Variants in MERTK observed in about 807,000 individuals in gnomAD.
MERTK encodes the protein MER proto-oncogene, tyrosine kinase, also known as tyrosine-protein kinase Mer.
Under a neutral mutation model 99.3 loss-of-function variants are expected in MERTK, and 69 were observed. The observed-to-expected ratio is 0.70, with a 90% CI of 0.57 to 0.85. The LOEUF (loss-of-function observed/expected upper bound fraction) is 0.85, where lower values mean the gene tolerates loss of function less well. Ranked by LOEUF, MERTK falls within the 40% of genes least tolerant of loss-of-function variation. The pLI, the probability that MERTK is intolerant of heterozygous loss-of-function variation, is 0.00. For missense variants in MERTK, 1,125 were observed against 1,249.4 expected (o/e 0.90, Z 1.50); for synonymous variants, 426 against 467.6 (o/e 0.91, Z 1.15).
rs1683974540 is a variant in MERTK at position 111,898,787 on chromosome 2, T to C, written c.52T>C (p.Trp18Arg). ...LLLGLFLPAL[W>R]RRAITEAREE... ...GCTGGGCCTCTTCCTCCCCGCGCTC[T>C]GGCGTAGAGGTGAGTGCGCCCGGCT... The change falls in exon 1 of 19, where the codon TGG becomes CGG. Residue 18 changes from tryptophan (W) to arginine (R), a missense_variant. Transcript: ENST00000295408. 6.3e-7 allele frequency: 1 copy of C among 1,596,768 alleles called. No individual in the cohort carries two copies. The highest frequency in any genetic ancestry group is 1.7e-5 in the Admixed American group (1 of 57,960).
At chr2:111,992,015 C>T (rs1339136598) in intron 8 of MERTK, among the ~76,000 whole-genome samples, 1 of 152,088 alleles carries the variant, frequency 6.6e-6, no homozygotes, top group Non-Finnish European at 1.5e-5. Context: ...TCATGTACTC[C>T]TCTGTCTCCC....
At chr2:111,916,871 G>T (rs1318830540) in intron 1 of MERTK, among the ~76,000 whole-genome samples, 1 of 152,124 alleles carries the variant, frequency 6.6e-6, no homozygotes, top group East Asian at 1.9e-4. Context: ...GTTGCTGCCA[G>T]GTAGGGGTAG....
rs761847323 is a variant in MERTK at position 111,975,381 on chromosome 2, C to T, written c.1053C>T (p.Ala351=). Residue 351 remains alanine (A), a synonymous_variant, in exon 7 of 19, where the codon GCC becomes GCT. Transcript: ENST00000295408. ...PHLYQIKQLQ[A]LANYSIGVSC... ...TGTACCAAATCAAGCAGCTGCAAGC[C>T]CTGGCTAATTACAGCATTGGTGTTT... 1 of 1,614,088 alleles carries T rather than the reference C, an allele frequency of 6.2e-7. No homozygotes were observed. The highest frequency in any genetic ancestry group is 1.1e-5 in the South Asian group (1 of 91,080).
intron 6 of MERTK, among the ~76,000 whole-genome samples, chr2:111,972,474 A>G (rs1383393584): frequency 1.3e-5 from 2 of 152,272 alleles, no homozygotes; most frequent in Admixed American, 6.5e-5. Context: ...GTCACCCCTG[A>G]TGATGGAAGA....
intron 15 of MERTK, among the ~76,000 whole-genome samples, chr2:112,018,609 C>A (rs1044873069): frequency 6.6e-6 from 1 of 151,980 alleles, no homozygotes; most frequent in African/African-American, 2.4e-5. Context: ...ATGGATGGAC[C>A]CATTCATGAC....
chr2:111,968,320 C>T (rs2104725578), intron 6 of MERTK, 68 bp downstream of exon 6: 4 of 1,324,238 alleles, frequency 3.0e-6, no homozygotes, highest in African/African-American at 1.4e-5. Flanking sequence ...ATTTTTCTTC[C>T]TTCCAAGGAT....
At chr2:111,901,029 C>T (rs1424306382) in intron 1 of MERTK, among the ~76,000 whole-genome samples, 1 of 152,200 alleles carries the variant, frequency 6.6e-6, no homozygotes, top group Non-Finnish European at 1.5e-5. Flanking sequence ...GAAATCCCCT[C>T]TGCCCCCCAA....
intron 18 of MERTK, among the ~76,000 whole-genome samples, chr2:112,027,393 T>C (rs1201984227): frequency 1.3e-5 from 2 of 151,714 alleles, no homozygotes; most frequent in East Asian, 3.9e-4. Flanking sequence ...GTCTATCAAT[T>C]ATAAGAAAAA....
intron 1 of MERTK, among the ~76,000 whole-genome samples, chr2:111,917,187 G>A (rs550525406): frequency 5.5e-4 from 83 of 152,260 alleles, no homozygotes; most frequent in African/African-American, 1.9e-3. Flanking sequence ...ATTAATGCTG[G>A]GTGGGGATGG....
At chr2:111,958,153 G>T (rs1685183568) in intron 4 of MERTK, among the ~76,000 whole-genome samples, 1 of 152,158 alleles carries the variant, frequency 6.6e-6, no homozygotes, top group Admixed American at 6.5e-5. Context: ...TCAGGAGATT[G>T]TGGGGGTTCC....
chr2:111,976,532 GTGT>G (rs1360722910), intron 7 of MERTK, among the ~76,000 whole-genome samples: 11 of 82,334 alleles, frequency 1.3e-4, no homozygotes, highest in South Asian at 8.6e-4. Flanking sequence ...CTGTGTGTGT[GTGT>G]GTGTGTGTGT....
intron 15 of MERTK, chr2:112,015,727 T>A (rs1677204076): frequency 6.5e-6 from 1 of 153,460 alleles, no homozygotes; most frequent in East Asian, 1.9e-4. Flanking sequence ...TGCTCTCATG[T>A]CTAAGAACTC....
In MERTK at chr2:112,029,392, TTGAA is replaced by T; in HGVS notation, c.*529_*532del. ...AGGATATGTTGAACTTACTTGAGAC[TTGAA>T]AGACAGTGGTCGGCAGCGGCCTTGT... On this transcript the variant is annotated 3_prime_UTR_variant, in exon 19 of 19. Coordinates refer to ENST00000295408, the MANE Select transcript of MERTK (RefSeq NM_006343.3). The T allele has an allele frequency of 6.5e-6, 6 of 925,334 alleles. No individual in the cohort carries two copies. Among genetic ancestry groups the T allele is most frequent in the Admixed American group, 1.2e-4 (2 of 16,354 alleles). 57.3% of individuals were successfully genotyped at this position (925,334 alleles called of 1,614,324 possible). A position where few individuals can be genotyped will look rare whatever the true frequency, so the allele number is the denominator to read the frequency against.
At chr2:111,898,937 C>T (rs1041836527) in intron 1 of MERTK, 141 bp downstream of exon 1, 17 of 912,612 alleles carry the variant, frequency 1.9e-5, no homozygotes, top group African/African-American at 5.1e-5. Flanking sequence ...ACTGCGGTGC[C>T]AGAGGAGGGG....
intron 2 of MERTK, chr2:111,940,531 A>C (rs1405762597): frequency 1.6e-6 from 1 of 608,764 alleles, no homozygotes; most frequent in Non-Finnish European, 3.2e-6. Context: ...TGCTTTAGCA[A>C]CTGCATCCTG....
At chr2:111,914,001 G>T (rs1278310103) in intron 1 of MERTK, among the ~76,000 whole-genome samples, 1 of 151,572 alleles carries the variant, frequency 6.6e-6, no homozygotes, top group African/African-American at 2.4e-5. Context: ...AATAAGAATG[G>T]GGAAAGCAGA....
chr2:112,004,026 G>C lies in MERTK; in HGVS notation c.1867+42G>C, dbSNP rs760250671. ...GAATCCCATTCTTCTAGGGTGGGCA[G>C]TTGCTTCAGTATTGGGTGCTCCATG... On this transcript the variant is annotated intron_variant, in intron 13 of 18. Transcript: ENST00000295408. 15 of 1,535,324 alleles carry C rather than the reference G, an allele frequency of 9.8e-6. No homozygotes were observed. In the East Asian group the frequency reaches 3.1e-4, roughly 32 times the overall value.
intron 2 of MERTK, among the ~76,000 whole-genome samples, chr2:111,936,718 T>C (rs1359948682): frequency 6.6e-6 from 1 of 152,144 alleles, no homozygotes; most frequent in East Asian, 1.9e-4. Flanking sequence ...GCCTCCTCCT[T>C]GGTGCTGTAG....
intron 5 of MERTK, among the ~76,000 whole-genome samples, chr2:111,967,063 TG>T (rs1429589457): frequency 6.6e-6 from 1 of 152,192 alleles, no homozygotes; most frequent in African/African-American, 2.4e-5. Flanking sequence ...TAGCTGTGCC[TG>T]GGGCCATACA....
Sources: allele counts gnomAD v4.1 joint callset (sites outside exome capture counted in the v4.1 genomes callset), GRCh38; gene constraint gnomAD v4.1.1; transcripts MANE v1.5; gene names NCBI Gene and HGNC (gene_info 2026-07-23, HGNC 2026-07-21).